RRAS2: variants seen among roughly 807,000 people sequenced by gnomAD.
RRAS2 encodes RAS related 2.
RRAS2 carries 7 observed loss-of-function variants against 27.6 expected under a neutral mutation model. The ratio of observed to expected loss-of-function variants is 0.25; its 90% CI spans 0.14 to 0.48. RRAS2 has a LOEUF of 0.48. Ranked by LOEUF, RRAS2 falls within the 20% of genes least tolerant of loss-of-function variation. The pLI, the probability that RRAS2 is intolerant of heterozygous loss-of-function variation, is 0.99. For missense variants in RRAS2, 178 were observed against 256.2 expected (o/e 0.69, Z 2.08); for synonymous variants, 86 against 90.9 (o/e 0.95, Z 0.31).
At chr11:14,308,560 T>C (rs1156300825) in intron 1 of RRAS2, among the ~76,000 whole-genome samples, 1 of 152,216 alleles carries the variant, frequency 6.6e-6, no homozygotes, top group Non-Finnish European at 1.5e-5. Flanking sequence ...TATCGAGGAC[T>C]TCCTTGTTTT....
chr11:14,284,389 C>T lies in RRAS2; in HGVS notation c.409-2669G>A, dbSNP rs573959540. ...ATTCTACTGTGGTCAGGAAATTACA[C>T]ACTATCTGACTAAAATCCTTTTAAA... On this transcript the variant is annotated intron_variant, in intron 4 of 5. Coordinates refer to ENST00000256196, the MANE Select transcript of RRAS2 (RefSeq NM_012250.6). Among the ~76,000 whole-genome samples the T allele has an allele frequency of 2.6e-5, 4 of 152,286 alleles. No homozygotes were observed. In the South Asian group the frequency reaches 8.3e-4, roughly 32 times the overall value.
At chr11:14,308,201 C>T (rs1847876847) in intron 1 of RRAS2, 1 of 405,990 alleles carries the variant, frequency 2.5e-6, no homozygotes, top group Non-Finnish European at 4.8e-6. Flanking sequence ...AACTGATTAA[C>T]TTTACCTGTG....
chr11:14,338,226 AG>A (rs1292116955), intron 1 of RRAS2, among the ~76,000 whole-genome samples: 2 of 152,220 alleles, frequency 1.3e-5, no homozygotes, highest in Non-Finnish European at 2.9e-5. Flanking sequence ...AAATCCTATA[AG>A]GTAAGTACTA....
Position 14,358,787 on chromosome 11 carries a change from C to G in RRAS2, c.84G>C (p.Ser28=). The G allele has an allele frequency of 2.0e-6, 3 of 1,481,770 alleles. No homozygotes were observed. The highest frequency in any genetic ancestry group is 2.7e-6 in the Non-Finnish European group (3 of 1,108,834). 91.8% of individuals were successfully genotyped at this position (1,481,770 alleles called of 1,614,324 possible). A position where few individuals can be genotyped will look rare whatever the true frequency, so the allele number is the denominator to read the frequency against. The change falls in exon 1 of 6, where the codon TCG becomes TCC. Residue 28 remains serine (S), a synonymous_variant. Coordinates refer to ENST00000256196, the MANE Select transcript of RRAS2 (RefSeq NM_012250.6). This position sits in a 1 kb window ranked among gnomAD's most constrained non-coding sequence, Gnocchi z 5.1. ...CCTGGATGAACTGGATGGTGAGCGCCGACTTGCCCACGCCGCCCCCGCCGA... is the reference window on the plus strand; with the variant it reads ...CCTGGATGAACTGGATGGTGAGCGCGGACTTGCCCACGCCGCCCCCGCCGA... ...VVVGGGGVGK[S]ALTIQFIQSY...
chr11:14,341,193 A>C (rs1848697280), intron 1 of RRAS2, among the ~76,000 whole-genome samples: 1 of 152,208 alleles, frequency 6.6e-6, no homozygotes. Flanking sequence ...TAAAGGAATA[A>C]ATTTCATGAG....
chr11:14,330,592 G>A (rs1050915560), intron 1 of RRAS2, among the ~76,000 whole-genome samples: 3 of 152,068 alleles, frequency 2.0e-5, no homozygotes, highest in Non-Finnish European at 2.9e-5. Flanking sequence ...TGAGGGGGAC[G>A]TCTTTATCAT....
upstream of RRAS2, among the ~76,000 whole-genome samples, chr11:14,360,287 T>A (rs1353333648): frequency 2.6e-5 from 4 of 151,764 alleles, no homozygotes; most frequent in African/African-American, 9.7e-5. Flanking sequence ...ACACTCAGCC[T>A]AATCGAGCCT....
At chr11:14,348,264 A>G (rs1848879614) in intron 1 of RRAS2, among the ~76,000 whole-genome samples, 1 of 152,238 alleles carries the variant, frequency 6.6e-6, no homozygotes, top group South Asian at 2.1e-4. Context: ...TCACATGGGC[A>G]AGTTGGTGTC....
At chr11:14,344,863 A>C (rs1554953869) in intron 1 of RRAS2, among the ~76,000 whole-genome samples, 1 of 152,138 alleles carries the variant, frequency 6.6e-6, no homozygotes, top group Non-Finnish European at 1.5e-5. Context: ...CTGAAATCCA[A>C]AATGATAGCC....
At chr11:14,350,914 T>C (rs1404450060) in intron 1 of RRAS2, among the ~76,000 whole-genome samples, 1 of 152,158 alleles carries the variant, frequency 6.6e-6, no homozygotes, top group Non-Finnish European at 1.5e-5. Flanking sequence ...CACAGGTGCA[T>C]AATGCTCCAT....
intron 4 of RRAS2, among the ~76,000 whole-genome samples, chr11:14,283,587 A>C (rs1191504165): frequency 6.6e-6 from 1 of 152,210 alleles, no homozygotes; most frequent in Non-Finnish European, 1.5e-5. Context: ...TATTTTGTAG[A>C]TAAAGTACTA....
intron 1 of RRAS2, among the ~76,000 whole-genome samples, chr11:14,343,192 A>G (rs1028632995): frequency 1.3e-5 from 2 of 152,202 alleles, no homozygotes; most frequent in Non-Finnish European, 2.9e-5. Context: ...AACTCTCACT[A>G]CAAAGAAATA....
chr11:14,354,264 C>G (rs1564985446), intron 1 of RRAS2: 1 of 152,110 alleles, frequency 6.6e-6, no homozygotes, highest in South Asian at 2.1e-4. Context: ...ATCAGCTAAC[C>G]CCTACCTACC....
At chr11:14,307,441 C>G (rs894475658) in intron 1 of RRAS2, among the ~76,000 whole-genome samples, 2 of 152,044 alleles carry the variant, frequency 1.3e-5, no homozygotes, top group African/African-American at 2.4e-5. Flanking sequence ...GGCTGGAGAG[C>G]AGTGGTGCAA....
At chr11:14,327,908 C>G (rs782453701) in intron 1 of RRAS2, among the ~76,000 whole-genome samples, 3 of 151,990 alleles carry the variant, frequency 2.0e-5, no homozygotes, top group Non-Finnish European at 4.4e-5. Flanking sequence ...ACAGGTCAAA[C>G]ATAGGAAAGC....
chr11:14,307,201 C>CAAAAAAAACA (rs1433286278), intron 1 of RRAS2, among the ~76,000 whole-genome samples: 1 of 116,342 alleles, frequency 8.6e-6, no homozygotes, highest in Non-Finnish European at 1.8e-5. Context: ...TCCCCCAAAC[C>CAAAAAAAACA]AAAAAAAACA....
At chr11:14,289,627 A>T (rs1383878370) in intron 4 of RRAS2, among the ~76,000 whole-genome samples, 3 of 152,216 alleles carry the variant, frequency 2.0e-5, no homozygotes, top group African/African-American at 4.8e-5. Flanking sequence ...ATATCTTTTT[A>T]TCTCACGTAA....
rs545865061 is a variant in RRAS2, at chr11:14,282,660, A to G, written c.409-940T>C. On this transcript the variant is annotated intron_variant, in intron 4 of 5. Transcript: ENST00000256196. ...AAATTAGAAAAGCCAAATTGGGGGG[A>G]AAAAAAAAATCAAAGAAAATTTAAG... Among the ~76,000 whole-genome samples, 165 of 27,442 alleles carry G rather than the reference A, an allele frequency of 6.0e-3. 1 individual carries two copies. The highest frequency in any genetic ancestry group is 9.1e-3 in the Non-Finnish European group (124 of 13,696). The allele number at this position is 27,442 out of a possible 152,430, so 18.0% of individuals were successfully genotyped here. A position where few individuals can be genotyped will look rare whatever the true frequency, so the allele number is the denominator to read the frequency against.
At chr11:14,316,740 T>G (rs1171550688) in intron 1 of RRAS2, among the ~76,000 whole-genome samples, 1 of 152,184 alleles carries the variant, frequency 6.6e-6, no homozygotes, top group Non-Finnish European at 1.5e-5. Flanking sequence ...AGACCCTGTT[T>G]CAAAACAATC....
Sources: allele counts gnomAD v4.1 joint callset (sites outside exome capture counted in the v4.1 genomes callset), GRCh38; gene constraint gnomAD v4.1.1; non-coding constraint Gnocchi (gnomAD v3.1); transcripts MANE v1.5; gene names NCBI Gene and HGNC (gene_info 2026-07-23, HGNC 2026-07-21).